Variants in RERE observed in about 807,000 individuals in gnomAD.
The protein encoded by RERE is arginine-glutamic acid dipeptide repeats protein.
A neutral mutation model predicts 146.1 loss-of-function variants in RERE; 40 were observed. The observed-to-expected ratio is 0.27, with a 90% CI of 0.21 to 0.36. RERE has a LOEUF of 0.36. Among genes scored for constraint, RERE ranks in the 10% least tolerant of loss-of-function variants. The probability of loss-of-function intolerance (pLI) is 1.00; values close to 1 mark genes in which losing one functional copy is unlikely to be tolerated. For missense variants in RERE, 1,933 were observed against 2,138.7 expected (o/e 0.90, Z 1.90); for synonymous variants, 1,003 against 866.0 (o/e 1.16, Z -2.78).
At chr1:8,655,357 C>T (rs1448442891) in intron 2 of RERE, among the ~76,000 whole-genome samples, 2 of 152,042 alleles carry the variant, frequency 1.3e-5, no homozygotes, top group African/African-American at 2.4e-5. Context: ...GAGGTGCACA[C>T]CACCGAGCCC....
At chr1:8,489,296 G>A (rs997798516) in intron 10 of RERE, among the ~76,000 whole-genome samples, 21 of 151,510 alleles carry the variant, frequency 1.4e-4, no homozygotes, top group African/African-American at 5.1e-4. Flanking sequence ...GGAGTTTGAG[G>A]TTACAGTGAG....
chr1:8,808,352 G>A (rs1331989222), intron 1 of RERE, among the ~76,000 whole-genome samples: 1 of 151,992 alleles, frequency 6.6e-6, no homozygotes, highest in Middle Eastern at 3.2e-3. Flanking sequence ...AAACCATCTA[G>A]AGTTCACCCA....
chr1:8,499,657 C>G (rs1222849448), intron 8 of RERE, among the ~76,000 whole-genome samples: 14 of 152,226 alleles, frequency 9.2e-5, no homozygotes, highest in Admixed American at 9.2e-4. Context: ...GGCTAGCCAT[C>G]AGCACCCACA....
At chr1:8,359,472 GA>G (rs1641459435) in intron 19 of RERE, among the ~76,000 whole-genome samples, 1 of 152,216 alleles carries the variant, frequency 6.6e-6, no homozygotes, top group Non-Finnish European at 1.5e-5. Context: ...TAGAAGTTAT[GA>G]ACCCAAAGGC....
chr1:8,729,306 C>T (rs1200710008), intron 1 of RERE, among the ~76,000 whole-genome samples: 2 of 150,368 alleles, frequency 1.3e-5, no homozygotes, highest in South Asian at 2.1e-4. Context: ...TCACCACAAC[C>T]TCTGCCTCCC....
In RERE at chr1:8,771,393, G is replaced by A. The variant is rs533219812; in HGVS notation, c.-145+45767C>T. The stretch of plus-strand genomic sequence containing the variant: ...AAAAAAATTAGCCAGACGTGATGGC[G>A]CACACCTGAGGTCCCAGATACTCCG... On this transcript the variant is annotated intron_variant, in intron 1 of 22. Transcript: ENST00000400908. Among the ~76,000 whole-genome samples, 28 of 151,802 alleles carry A rather than the reference G, an allele frequency of 1.8e-4. No individual in the cohort carries two copies. The South Asian group carries it at 3.5e-3, about 19-fold the overall frequency.
chr1:8,424,687 C>T (rs1643983522), intron 11 of RERE: 1 of 152,212 alleles, frequency 6.6e-6, no homozygotes, highest in African/African-American at 2.4e-5. Context: ...GCAGTCTGCC[C>T]AGGAAGGCAG....
chr1:8,791,551 G>A (rs1641364061), intron 1 of RERE, among the ~76,000 whole-genome samples: 1 of 152,206 alleles, frequency 6.6e-6, no homozygotes, highest in Admixed American at 6.6e-5. Context: ...CCCAGGGGAA[G>A]GGAGACTTAG....
In RERE at chr1:8,817,518, G is replaced by T; in HGVS notation, c.-503C>A. 1 of 151,576 alleles carries T rather than the reference G, an allele frequency of 6.6e-6. No individual in the cohort carries two copies. The highest frequency in any genetic ancestry group is 1.5e-5 in the Non-Finnish European group (1 of 67,818). The allele number at this position is 151,576 out of a possible 1,614,324, so 9.4% of individuals were successfully genotyped here. A position where few individuals can be genotyped will look rare whatever the true frequency, so the allele number is the denominator to read the frequency against. On this transcript the variant is annotated 5_prime_UTR_variant, in exon 1 of 23. Transcript: ENST00000400908. The stretch of plus-strand genomic sequence containing the variant: ...AGAAAATGAGGCAGAGACAATGTGG[G>T]GAGCGAGAGAGGGGAAAAGGACGGG...
chr1:8,378,039 T>C (rs1642319534), intron 12 of RERE, among the ~76,000 whole-genome samples: 1 of 152,254 alleles, frequency 6.6e-6, no homozygotes, highest in Non-Finnish European at 1.5e-5. Context: ...AATTATCATG[T>C]ATAATCCATT....
chr1:8,771,417 C>G (rs146942492), intron 1 of RERE, among the ~76,000 whole-genome samples: 1 of 151,450 alleles, frequency 6.6e-6, no homozygotes, highest in Admixed American at 6.6e-5. Context: ...CCAGATACTC[C>G]GGAGGCTGAG....
At chr1:8,385,896 G>A (rs1424515298) in intron 12 of RERE, among the ~76,000 whole-genome samples, 1 of 143,978 alleles carries the variant, frequency 6.9e-6, no homozygotes, top group Non-Finnish European at 1.5e-5. Context: ...GTGAACCCGG[G>A]AGGTGGAGCT....
At chr1:8,422,276 C>T (rs1441767116) in intron 12 of RERE, among the ~76,000 whole-genome samples, 1 of 152,140 alleles carries the variant, frequency 6.6e-6, no homozygotes, top group Non-Finnish European at 1.5e-5. Flanking sequence ...CAAAACAGAG[C>T]AACATTGAAA....
intron 8 of RERE, among the ~76,000 whole-genome samples, chr1:8,501,723 C>A (rs1217291153): frequency 1.2e-3 from 156 of 128,344 alleles, no homozygotes; most frequent in African/African-American, 4.4e-3. Context: ...GGGGGTCAGC[C>A]CCCCGCCCGG....
intron 1 of RERE, among the ~76,000 whole-genome samples, chr1:8,699,631 T>C (rs1639404970): frequency 6.6e-6 from 1 of 152,232 alleles, no homozygotes; most frequent in East Asian, 1.9e-4. Context: ...GATACCTACT[T>C]CCCTCCATTA....
chr1:8,423,869 GGGCC>G lies in RERE; in HGVS notation c.1204-1066_1204-1063del, dbSNP rs1643960031. The G allele has an allele frequency of 5.4e-6, 1 of 184,628 alleles. No individual in the cohort carries two copies. The highest frequency in any genetic ancestry group is 1.9e-4 in the East Asian group (1 of 5,196). The allele number at this position is 184,628 out of a possible 1,614,324, so 11.4% of individuals were successfully genotyped here. A position where few individuals can be genotyped will look rare whatever the true frequency, so the allele number is the denominator to read the frequency against. ...CCGCCGCCCTCCTGTCCGCCAGCCG[GGGCC>G]CCGCGCCCCGGCCCCGGCCCCGCCC... is the stretch of plus-strand genomic sequence containing the variant. On this transcript the variant is annotated intron_variant, in intron 11 of 22. Transcript: ENST00000400908. This position sits in a 1 kb window ranked among gnomAD's most constrained non-coding sequence, Gnocchi z 5.4.
chr1:8,736,851 G>GGAA (rs1557512827), intron 1 of RERE, among the ~76,000 whole-genome samples: 1 of 99,796 alleles, frequency 1.0e-5, no homozygotes, highest in African/African-American at 3.8e-5. Context: ...AAGCAAGGGG[G>GGAA]AAAAAAAAAA....
intron 1 of RERE, among the ~76,000 whole-genome samples, chr1:8,814,047 GACAAA>G (rs1641865089): frequency 1.3e-5 from 2 of 152,228 alleles, no homozygotes; most frequent in Admixed American, 1.3e-4. Context: ...GTTTCCTTGT[GACAAA>G]ACACTGATGG....
intron 10 of RERE, among the ~76,000 whole-genome samples, chr1:8,466,751 G>A (rs988004265): frequency 6.6e-6 from 1 of 152,138 alleles, no homozygotes; most frequent in South Asian, 2.1e-4. Context: ...TTCCCTTTAG[G>A]ACCAGACTTG....
Sources: gnomAD v4.1 joint callset for allele counts (sites outside exome capture counted in the v4.1 genomes callset) on GRCh38, gnomAD v4.1.1 for gene constraint, Gnocchi (gnomAD v3.1) non-coding constraint, MANE v1.5 for transcripts, NCBI Gene and HGNC (gene_info 2026-07-23, HGNC 2026-07-21) for gene names.